ANKHD1: variants seen among roughly 807,000 people sequenced by gnomAD.
ANKHD1 encodes ankyrin repeat and KH domain-containing protein 1.
In ANKHD1, 31 loss-of-function variants were observed where a neutral mutation model predicts 230.5. The ratio of observed to expected loss-of-function variants is 0.13; its 90% CI spans 0.10 to 0.18. The LOEUF is 0.18. Ranked by LOEUF, ANKHD1 falls within the 10% of genes least tolerant of loss-of-function variation. The pLI is 1.00. For missense variants in ANKHD1, 2,256 were observed against 3,071.3 expected (o/e 0.73, Z 6.27); for synonymous variants, 1,074 against 1,117.6 (o/e 0.96, Z 0.78).
chr5:140,504,509 C>T (rs1034700799), intron 15 of ANKHD1, among the ~76,000 whole-genome samples: 1 of 152,140 alleles, frequency 6.6e-6, no homozygotes, highest in African/African-American at 2.4e-5. Context: ...CACTAAATAT[C>T]AGGTGCTGTG....
At chr5:140,493,527 A>G (rs1052326926) in intron 14 of ANKHD1, among the ~76,000 whole-genome samples, 2 of 152,184 alleles carry the variant, frequency 1.3e-5, no homozygotes, top group Non-Finnish European at 2.9e-5. Context: ...TTGCTAAAAG[A>G]ATACTTGTCT....
At chr5:140,521,921 G>C (rs1172283768) in intron 24 of ANKHD1, among the ~76,000 whole-genome samples, 1 of 152,252 alleles carries the variant, frequency 6.6e-6, no homozygotes, top group Admixed American at 6.5e-5. Context: ...AGAGGCTGCA[G>C]TAAGCCAACA....
chr5:140,419,431 A>AGTT (rs1771683291), intron 1 of ANKHD1, among the ~76,000 whole-genome samples: 1 of 143,702 alleles, frequency 7.0e-6, no homozygotes, highest in Admixed American at 6.9e-5. Flanking sequence ...CCATTCTGTG[A>AGTT]GTTGTCTTCA....
At chr5:140,458,503 G>T in intron 7 of ANKHD1, 122 bp from the exon 8 acceptor site, 1 of 1,010,536 alleles carries the variant, frequency 9.9e-7, no homozygotes, top group Non-Finnish European at 1.4e-6. Flanking sequence ...TGTCTATGCT[G>T]AATCTTCTAA....
intron 1 of ANKHD1, among the ~76,000 whole-genome samples, chr5:140,417,004 G>C (rs1282817337): frequency 6.6e-6 from 1 of 152,032 alleles, no homozygotes; most frequent in East Asian, 1.9e-4. Flanking sequence ...CAAAGGACTT[G>C]ATCTGGACAA....
intron 29 of ANKHD1, chr5:140,532,952 G>C: frequency 3.8e-6 from 1 of 263,176 alleles, no homozygotes. Context: ...ACCGAATTTA[G>C]CCAGGCATGG....
chr5:140,517,134 G>A (rs1753059534), intron 24 of ANKHD1, among the ~76,000 whole-genome samples: 1 of 147,734 alleles, frequency 6.8e-6, no homozygotes, highest in Non-Finnish European at 1.5e-5. Flanking sequence ...GGCAGGGGTT[G>A]CAATCCTAGC....
intron 7 of ANKHD1, among the ~76,000 whole-genome samples, chr5:140,455,322 C>T (rs1018913328): frequency 6.6e-6 from 1 of 152,136 alleles, no homozygotes; most frequent in African/African-American, 2.4e-5. Context: ...TGAAACTATT[C>T]CAATCAATAG....
In ANKHD1 at chr5:140,496,879, C is replaced by G; in HGVS notation, c.2605C>G (p.Leu869Val). ...CAAAGGTCAGAAAGACACAGTGTCT[C>G]TACACCAACAGTGCTCTCATAGAGG... is the stretch of plus-strand genomic sequence containing the variant. ...ETKGQKDTVS[L>V]HQQCSHRGVF... The change falls in exon 15 of 34, where the codon CTA becomes GTA. Residue 869 changes from leucine (L) to valine (V), a missense_variant. Around this residue, in one of 13 missense-constraint regions of ANKHD1, gnomAD observed 358 missense variants for 397.7 expected, o/e 0.90. Transcript: ENST00000360839. 6.2e-7 allele frequency: 1 copy of G among 1,614,208 alleles called. No individual in the cohort carries two copies. The highest frequency in any genetic ancestry group is 8.5e-7 in the Non-Finnish European group (1 of 1,180,040).
At chr5:140,444,937 C>CT (rs1460323049) in intron 5 of ANKHD1, among the ~76,000 whole-genome samples, 10 of 152,026 alleles carry the variant, frequency 6.6e-5, no homozygotes, top group Non-Finnish European at 1.5e-4. Context: ...TCCAGAAAGT[C>CT]TTTTGTATTG....
intron 10 of ANKHD1, among the ~76,000 whole-genome samples, chr5:140,466,348 G>A (rs1206343639): frequency 9.3e-5 from 14 of 149,974 alleles, no homozygotes; most frequent in Non-Finnish European, 1.6e-4. Flanking sequence ...CCTAGATTGC[G>A]CCATTGCACT....
intron 1 of ANKHD1, among the ~76,000 whole-genome samples, chr5:140,415,379 C>T (rs1411062212): frequency 6.9e-6 from 1 of 144,652 alleles, no homozygotes; most frequent in African/African-American, 2.6e-5. Flanking sequence ...GAGACTTCGT[C>T]TTAAGAAAAA....
chr5:140,434,881 A>G (rs1773321153), intron 1 of ANKHD1, among the ~76,000 whole-genome samples: 1 of 152,086 alleles, frequency 6.6e-6, no homozygotes, highest in Admixed American at 6.6e-5. Context: ...GCTTTCAGAA[A>G]ATTTTTTAGT....
chr5:140,517,989 T>C (rs1282204770), intron 24 of ANKHD1, among the ~76,000 whole-genome samples: 3 of 151,836 alleles, frequency 2.0e-5, no homozygotes, highest in Non-Finnish European at 4.4e-5. Context: ...TTCAAAAAAT[T>C]AACGAATCCA....
In ANKHD1 at chr5:140,438,617, C is replaced by T. The variant is rs369572470; in HGVS notation, c.617C>T (p.Thr206Ile). The T allele has an allele frequency of 7.6e-6, 12 of 1,570,220 alleles. No individual in the cohort carries two copies. The highest frequency in any genetic ancestry group is 1.0e-5 in the Non-Finnish European group (12 of 1,157,222). The change falls in exon 3 of 34, where the codon ACT becomes ATT. Residue 206 changes from threonine to isoleucine, a missense_variant and splice_region_variant. Thr to Ile is a moderately conservative substitution (Grantham distance 89, BLOSUM62 -1). This residue lies in a region of ANKHD1 where 206 missense variants were observed against 304.5 expected (regional missense o/e 0.68). Coordinates refer to ENST00000360839, the MANE Select transcript of ANKHD1 (RefSeq NM_017747.3). ...ENSHNAGQVD[T>I]RSLAEACSDG... The stretch of plus-strand genomic sequence containing the variant: ...AGCCACAATGCAGGACAAGTGGACA[C>T]GTATGTGTTTAATGACTTTTGGATA...
chr5:140,416,231 A>G (rs994310370), intron 1 of ANKHD1, among the ~76,000 whole-genome samples: 4 of 152,240 alleles, frequency 2.6e-5, no homozygotes, highest in Admixed American at 2.0e-4. Flanking sequence ...TATTGTGAAT[A>G]GTGCCGCAGT....
chr5:140,448,921 G>C (rs1171310999), intron 6 of ANKHD1, among the ~76,000 whole-genome samples: 1 of 152,070 alleles, frequency 6.6e-6, no homozygotes, highest in Non-Finnish European at 1.5e-5. Flanking sequence ...GTTTTGATTA[G>C]ATAAATAATT....
chr5:140,512,909 A>G lies in ANKHD1; in HGVS notation c.4186A>G (p.Thr1396Ala), dbSNP rs2127063322. ...TATAGAATGCATGAGATACATAGCA[A>G]CAATTACAGATAAGGTAAGTTTAAT... ...SDIECMRYIA[T>A]ITDKELLKKC... Residue 1396 changes from threonine (T) to alanine (A), a missense_variant, in exon 23 of 34, where the codon ACA (threonine) becomes GCA (alanine). By Grantham distance (58) the Thr-to-Ala change is moderately conservative (BLOSUM62 0). Around this residue, in one of 13 missense-constraint regions of ANKHD1, gnomAD observed 195 missense variants for 340.3 expected, o/e 0.57. Transcript: ENST00000360839. 1.9e-6 allele frequency: 3 copies of G among 1,594,828 alleles called. No individual in the cohort carries two copies. The East Asian group carries it at 6.8e-5, about 36-fold the overall frequency.
In ANKHD1 at chr5:140,537,707, T is replaced by C. The variant is rs192631743; in HGVS notation, c.7228+118T>C. 2.4e-5 allele frequency: 33 copies of C among 1,384,360 alleles called. No homozygotes were observed. In the Admixed American group the frequency reaches 1.0e-3, roughly 44 times the overall value. The allele number at this position is 1,384,360 out of a possible 1,614,324, so 85.8% of individuals were successfully genotyped here. A position where few individuals can be genotyped will look rare whatever the true frequency, so the allele number is the denominator to read the frequency against. ...AAAACTTAGTTCCTATGTTTAACACTCAATTAGGGAAGGGTGTTTATATCT... is the reference window on the plus strand; with the variant it reads ...AAAACTTAGTTCCTATGTTTAACACCCAATTAGGGAAGGGTGTTTATATCT... On this transcript the variant is annotated intron_variant, in intron 31 of 33. Coordinates refer to ENST00000360839, the MANE Select transcript of ANKHD1 (RefSeq NM_017747.3).
Sources: allele counts gnomAD v4.1 joint callset (sites outside exome capture counted in the v4.1 genomes callset), GRCh38; gene constraint gnomAD v4.1.1; regional missense constraint gnomAD v4.1.1; transcripts MANE v1.5; gene names NCBI Gene and HGNC (gene_info 2026-07-23, HGNC 2026-07-21).